SLCO1A2: variants seen among roughly 807,000 people sequenced by gnomAD.
SLCO1A2 encodes the protein OATP-1.
SLCO1A2 carries 67 observed loss-of-function variants against 69.0 expected under a neutral mutation model. That is an observed-to-expected ratio of 0.97 (90% CI 0.80 to 1.19). The LOEUF (loss-of-function observed/expected upper bound fraction) is 1.19. SLCO1A2 is among the 50% of genes most tolerant of loss of function. The pLI is 0.00. For synonymous variants in SLCO1A2, 260 were observed against 265.9 expected, an observed-to-expected ratio of 0.98 and a Z score of 0.22; for missense variants, 787 against 793.7, an observed-to-expected ratio of 0.99 and a Z score of 0.10.
intron 12 of SLCO1A2, among the ~76,000 whole-genome samples, chr12:21,279,926 A>G (rs1013023249): frequency 1.3e-5 from 2 of 152,128 alleles, no homozygotes; most frequent in African/African-American, 4.8e-5. Flanking sequence ...AATAGAAATA[A>G]CAAAATGTTA....
intron 1 of SLCO1A2, among the ~76,000 whole-genome samples, chr12:21,388,433 T>C (rs945992494): frequency 1.3e-5 from 2 of 152,132 alleles, no homozygotes; most frequent in African/African-American, 4.8e-5. Flanking sequence ...GTTCTTGTGA[T>C]AGTGACATTT....
chr12:21,357,999 G>A (rs959003777), intron 2 of SLCO1A2, among the ~76,000 whole-genome samples: 1 of 152,118 alleles, frequency 6.6e-6, no homozygotes, highest in Non-Finnish European at 1.5e-5. Flanking sequence ...TTGGTGGGTG[G>A]GTGGCGTGAG....
rs1947900027 is a variant in SLCO1A2, at chr12:21,297,418, G to C, written c.1061C>G (p.Ala354Gly). 2 of 1,610,554 alleles carry C rather than the reference G, an allele frequency of 1.2e-6. No homozygotes were observed. The highest frequency in any genetic ancestry group is 1.7e-6 in the Non-Finnish European group (2 of 1,177,804). ...AACAAACATACCCATTAGAAAGATT[G>C]CATCTGAAGATGATATTCCATATTG... The part of the protein sequence containing the change: ...EQQYGISSSD[A>G]IFLMGIYNLP... Residue 354 changes from alanine to glycine, a missense_variant, in exon 9 of 15, where the codon GCA (alanine) becomes GGA (glycine). Physicochemically the swap from Ala to Gly is moderately conservative, Grantham distance 60. Transcript: ENST00000683939.
chr12:21,360,798 C>T lies in SLCO1A2; in HGVS notation c.-63+13601G>A, dbSNP rs566903921. Among the ~76,000 whole-genome samples, 4 of 152,340 alleles carry T rather than the reference C, an allele frequency of 2.6e-5. No homozygotes were observed. The East Asian group carries it at 7.7e-4, about 29-fold the overall frequency. On this transcript the variant is annotated intron_variant, in intron 2 of 15. Transcript: ENST00000307378. ...GGAGGCTCGCTCACTGCTAGCACAG[C>T]AGTCTGAGATGGAACTGCAAGGCAG...
intron 13 of SLCO1A2, 53 bp downstream of exon 13, chr12:21,275,304 AAAT>A (rs571047861): frequency 7.1e-5 from 100 of 1,402,278 alleles, no homozygotes; most frequent in South Asian, 2.7e-4. Context: ...GTGTAATAAA[AAAT>A]AATAATAATA....
chr12:21,304,959 A>G (rs1949175846), intron 5 of SLCO1A2, among the ~76,000 whole-genome samples: 1 of 152,222 alleles, frequency 6.6e-6, no homozygotes. Context: ...AGCTGCTACA[A>G]GTGCTTCCCC....
Position 21,267,921 on chromosome 12 carries a change from T to A in SLCO1A2, c.*1627A>T, listed in dbSNP as rs1942249258. 1 of 152,070 alleles carries A rather than the reference T, an allele frequency of 6.6e-6. No homozygotes were observed. The highest frequency in any genetic ancestry group is 1.5e-5 in the Non-Finnish European group (1 of 68,020). 9.4% of individuals were successfully genotyped at this position (152,070 alleles called of 1,614,324 possible). ...CTACATCAAAGTTAAACTCCCCCTT[T>A]CCAATGATTTTAGTTCCTCTCTCTT... On this transcript the variant is annotated 3_prime_UTR_variant, in exon 15 of 15. Coordinates refer to ENST00000683939, the MANE Select transcript of SLCO1A2 (RefSeq NM_001386879.1).
chr12:21,279,118 T>C (rs1430943547), intron 12 of SLCO1A2, among the ~76,000 whole-genome samples: 4 of 151,742 alleles, frequency 2.6e-5, no homozygotes, highest in African/African-American at 9.7e-5. Context: ...AAGAGAGATT[T>C]AGTGAGCTTG....
intron 12 of SLCO1A2, 62 bp downstream of exon 12, chr12:21,292,102 T>C: frequency 3.2e-6 from 4 of 1,237,054 alleles, no homozygotes; most frequent in Non-Finnish European, 2.2e-6. Context: ...GTGACTTTCT[T>C]AGAACAAGCT....
Position 21,295,601 on chromosome 12 carries a change from C to T in SLCO1A2, c.1267G>A (p.Glu423Lys), listed in dbSNP as rs371635342. ...SSVVGINTSY[E>K]GIPQDLYVEN... is the part of the protein sequence containing the mutation. The stretch of plus-strand genomic sequence containing the variant: ...ATTCATTAGAAAACAACATACCCTT[C>T]ATAAGAGGTATTTATTCCAACAACT... The change falls in exon 10 of 15, where the codon GAA (glutamate) becomes AAA (lysine). Residue 423 changes from glutamate (E) to lysine (K), a missense_variant. Transcript: ENST00000683939. The T allele has an allele frequency of 2.6e-5, 40 of 1,561,538 alleles. No individual in the cohort carries two copies. The African/African-American group carries it at 5.4e-4, about 21-fold the overall frequency.
chr12:21,346,612 A>C (rs1278915715), intron 2 of SLCO1A2, among the ~76,000 whole-genome samples: 2 of 152,096 alleles, frequency 1.3e-5, no homozygotes, highest in Non-Finnish European at 2.9e-5. Flanking sequence ...CCTTCCCAGC[A>C]ATGATAAGTA....
At chr12:21,300,215 A>G (rs1226886665) in intron 8 of SLCO1A2, 133 bp downstream of exon 8, 6 of 571,516 alleles carry the variant, frequency 1.0e-5, no homozygotes, top group Non-Finnish European at 1.8e-5. Context: ...CTAGTTAGGT[A>G]TTCTTGACTG....
chr12:21,412,053 A>G (rs539264171), intron 1 of SLCO1A2, among the ~76,000 whole-genome samples: 3 of 152,176 alleles, frequency 2.0e-5, no homozygotes, highest in Non-Finnish European at 4.4e-5. Flanking sequence ...AAAGTATTAT[A>G]ATGTTACCTA....
chr12:21,386,349 T>C (rs754000894), intron 1 of SLCO1A2, among the ~76,000 whole-genome samples: 46 of 152,098 alleles, frequency 3.0e-4, no homozygotes, highest in Non-Finnish European at 5.6e-4. Context: ...CATATAACAA[T>C]CCCTAGTGAT....
chr12:21,329,150 G>T (rs1198003759), intron 2 of SLCO1A2, among the ~76,000 whole-genome samples: 1 of 152,100 alleles, frequency 6.6e-6, no homozygotes, highest in Non-Finnish European at 1.5e-5. Context: ...CTTTCATTTT[G>T]TAGCCTTCAA....
Position 21,275,373 on chromosome 12 carries a change from G to C in SLCO1A2, c.1662C>G (p.Cys554Trp). 1 of 1,556,958 alleles carries C rather than the reference G, an allele frequency of 6.4e-7. No homozygotes were observed. The highest frequency in any genetic ancestry group is 8.8e-7 in the Non-Finnish European group (1 of 1,140,688). The stretch of plus-strand genomic sequence containing the variant: ...AACTATTTTTACCAAATACTCTTGT[G>C]CAAAATGTATGTAATCCCACACCAA... ...KSLGVGLHTFCTRVFAGIPAP... is the reference protein window; with the variant it reads ...KSLGVGLHTFWTRVFAGIPAP... The change falls in exon 13 of 15, where the codon TGC (cysteine) becomes TGG (tryptophan). Residue 554 changes from cysteine (C) to tryptophan (W), a missense_variant. Transcript: ENST00000683939.
chr12:21,265,056 CA>C lies in SLCO1A2; in HGVS notation c.*4491del, dbSNP rs376182083. On this transcript the variant is annotated 3_prime_UTR_variant, in exon 15 of 15. Coordinates refer to ENST00000683939, the MANE Select transcript of SLCO1A2 (RefSeq NM_001386879.1). ...GCAGAATTTTATCTGGAGCCTTTCA[CA>C]TGGAAGGAAGTTTTGTGTGGTAGCT... The C allele has an allele frequency of 5.2e-5, 8 of 152,458 alleles. No individual in the cohort carries two copies. Among genetic ancestry groups the C allele is most frequent in the Non-Finnish European group, 1.2e-4 (8 of 68,184 alleles). 9.4% of individuals were successfully genotyped at this position (152,458 alleles called of 1,614,324 possible). A position where few individuals can be genotyped will look rare whatever the true frequency, so the allele number is the denominator to read the frequency against.
At chr12:21,397,542 C>A (rs1479881816), upstream of SLCO1A2, among the ~76,000 whole-genome samples, 1 of 152,124 alleles carries the variant, frequency 6.6e-6, no homozygotes, top group Non-Finnish European at 1.5e-5. Flanking sequence ...ATCTACAGAA[C>A]CCTCCACCCC....
At chr12:21,272,036 T>G (rs980052175) in intron 14 of SLCO1A2, among the ~76,000 whole-genome samples, 4 of 151,564 alleles carry the variant, frequency 2.6e-5, no homozygotes, top group Non-Finnish European at 5.9e-5. Flanking sequence ...CCATGAGTAA[T>G]TTAAGACTGC....
Sources: gnomAD v4.1 joint callset for allele counts (sites outside exome capture counted in the v4.1 genomes callset) on GRCh38, gnomAD v4.1.1 for gene constraint, MANE v1.5 for transcripts, NCBI Gene and HGNC (gene_info 2026-07-23, HGNC 2026-07-21) for gene names.